Variants in CCR5AS observed in about 807,000 individuals in gnomAD.
CCR5AS encodes CCR5 antisense RNA.
intron 2 of CCR5AS, chr3:46,373,858 G>T (rs369373756): frequency 6.2e-7 from 1 of 1,613,952 alleles, no homozygotes; most frequent in South Asian, 1.1e-5. Context: ...ATTGCCAAAC[G>T]CTTCTGCAAA....
At chr3:46,405,706 A>T (rs1284430842) in intron 1 of CCR5AS, among the ~76,000 whole-genome samples, 2 of 152,088 alleles carry the variant, frequency 1.3e-5, no homozygotes, top group Non-Finnish European at 2.9e-5. Flanking sequence ...CACCAGCACC[A>T]ACTCCTCTGC....
In CCR5AS at chr3:46,388,099, G is replaced by A. The variant is rs552109862; in HGVS notation, n.391+4726C>T. Among the ~76,000 whole-genome samples the A allele has an allele frequency of 4.7e-4, 72 of 151,768 alleles. 1 individual carries two copies. The Middle Eastern group carries it at 0.014, about 29-fold the overall frequency. ...AGCGCAGGTCACAGGGGATATGATG[G>A]CTTAGCTCGGGCTCAGAGGCCTGAC... On this transcript the variant is annotated intron_variant and non_coding_transcript_variant, in intron 2 of 3. Coordinates refer to ENST00000451485, the Ensembl canonical transcript of CCR5AS.
At chr3:46,390,049 A>G (rs910271350) in intron 2 of CCR5AS, among the ~76,000 whole-genome samples, 1 of 152,228 alleles carries the variant, frequency 6.6e-6, no homozygotes, top group African/African-American at 2.4e-5. Flanking sequence ...GATCATCAAC[A>G]TATTGAATAA....
At chr3:46,366,251 C>A in intron 3 of CCR5AS, among the ~76,000 whole-genome samples, 1 of 152,184 alleles carries the variant, frequency 6.6e-6, no homozygotes. Flanking sequence ...CACTTCTTTG[C>A]CTTCAGCCTT....
At chr3:46,399,915 T>C (rs1343079528) in intron 1 of CCR5AS, among the ~76,000 whole-genome samples, 1 of 152,216 alleles carries the variant, frequency 6.6e-6, no homozygotes, top group Admixed American at 6.5e-5. Context: ...TCAGGGAATC[T>C]AGAAGAATCT....
intron 1 of CCR5AS, among the ~76,000 whole-genome samples, chr3:46,405,557 G>A (rs981146656): frequency 1.3e-5 from 2 of 152,116 alleles, no homozygotes; most frequent in African/African-American, 2.4e-5. Flanking sequence ...GCAGGAGGTG[G>A]AGAGACCCAG....
intron 1 of CCR5AS, among the ~76,000 whole-genome samples, chr3:46,393,868 G>A (rs777804563): frequency 1.3e-5 from 2 of 152,150 alleles, no homozygotes; most frequent in Non-Finnish European, 2.9e-5. Context: ...GGGTTAAATC[G>A]GCACAAATGA....
At chr3:46,382,989 A>G (rs529637745) in intron 2 of CCR5AS, among the ~76,000 whole-genome samples, 2 of 152,332 alleles carry the variant, frequency 1.3e-5, no homozygotes, top group East Asian at 3.9e-4. Context: ...CCTGGCACAT[A>G]AAAGCTCTGG....
intron 2 of CCR5AS, among the ~76,000 whole-genome samples, chr3:46,379,526 A>T (rs1350055678): frequency 2.0e-5 from 3 of 152,214 alleles, no homozygotes; most frequent in African/African-American, 7.2e-5. Flanking sequence ...CCAATTAACA[A>T]GAGCGAGGTC....
At chr3:46,397,270 C>T (rs968738115) in intron 1 of CCR5AS, among the ~76,000 whole-genome samples, 9 of 152,220 alleles carry the variant, frequency 5.9e-5, no homozygotes, top group African/African-American at 2.2e-4. Flanking sequence ...CTGAATCTCC[C>T]TCTAGAATGC....
intron 2 of CCR5AS, among the ~76,000 whole-genome samples, chr3:46,381,511 CTT>C (rs1422217349): frequency 2.6e-5 from 4 of 152,172 alleles, no homozygotes; most frequent in African/African-American, 9.7e-5. Context: ...TATCTGATAA[CTT>C]AATCTTTTTG....
intron 3 of CCR5AS, among the ~76,000 whole-genome samples, chr3:46,368,784 G>A (rs574835762): frequency 4.6e-5 from 7 of 152,260 alleles, no homozygotes; most frequent in East Asian, 1.9e-4. Context: ...AGCCTGCTCC[G>A]CTAGCCCACA....
chr3:46,391,186 C>T (rs374807093), intron 2 of CCR5AS, among the ~76,000 whole-genome samples: 12 of 152,306 alleles, frequency 7.9e-5, no homozygotes, highest in South Asian at 4.1e-4. Flanking sequence ...GCCAGATTTC[C>T]GGCACTTGAA....
chr3:46,404,140 C>T (rs989475942), intron 1 of CCR5AS, among the ~76,000 whole-genome samples: 1 of 152,106 alleles, frequency 6.6e-6, no homozygotes, highest in African/African-American at 2.4e-5. Flanking sequence ...AAGAATATGT[C>T]TGCGTCTTCG....
intron 1 of CCR5AS, among the ~76,000 whole-genome samples, chr3:46,399,192 G>A (rs1455997344): frequency 6.6e-6 from 1 of 152,186 alleles, no homozygotes; most frequent in East Asian, 1.9e-4. Context: ...TGGTGTTTGT[G>A]GGCTGGACTG....
chr3:46,371,723 A>G (rs1196000814), intron 2 of CCR5AS, among the ~76,000 whole-genome samples: 1 of 152,190 alleles, frequency 6.6e-6, no homozygotes, highest in South Asian at 2.1e-4. Flanking sequence ...AACATTTTTT[A>G]TTATATTATT....
intron 1 of CCR5AS, among the ~76,000 whole-genome samples, chr3:46,400,876 A>G (rs1203632049): frequency 6.6e-6 from 1 of 152,260 alleles, no homozygotes; most frequent in Non-Finnish European, 1.5e-5. Flanking sequence ...CTAGAAGGGA[A>G]TTAATAGCCA....
intron 1 of CCR5AS, among the ~76,000 whole-genome samples, chr3:46,393,450 A>C (rs1260092157): frequency 6.7e-6 from 1 of 148,572 alleles, no homozygotes; most frequent in African/African-American, 2.5e-5. Flanking sequence ...CTGCCTGGGC[A>C]ACAGAGCCAC....
intron 2 of CCR5AS, among the ~76,000 whole-genome samples, chr3:46,389,112 TAG>T (rs1701886466): frequency 6.7e-6 from 1 of 148,570 alleles, no homozygotes; most frequent in Non-Finnish European, 1.5e-5. Context: ...GGTGACTGCG[TAG>T]AGCTCTGTTG....
Sources: allele counts gnomAD v4.1 joint callset (sites outside exome capture counted in the v4.1 genomes callset), GRCh38; gene constraint gnomAD v4.1.1; transcripts MANE v1.5; gene names NCBI Gene and HGNC (gene_info 2026-07-23, HGNC 2026-07-21).